The following TRPM3 variants were observed in gnomAD, a reference collection of about 807,000 sequenced individuals.
The protein encoded by TRPM3 is transient receptor potential cation channel subfamily M member 3, also known as long transient receptor potential channel 3.
Under a neutral mutation model 181.2 loss-of-function variants are expected in TRPM3, and 77 were observed. That is an observed-to-expected ratio of 0.42 (90% CI 0.35 to 0.51). The LOEUF is 0.51. Ranked by LOEUF, TRPM3 falls within the 20% of genes least tolerant of loss-of-function variation. TRPM3 has a pLI of 0.01. For missense variants in TRPM3, 1,759 were observed against 2,196.7 expected, an observed-to-expected ratio of 0.80 and a Z score of 3.98; for synonymous variants, 745 against 796.4, an observed-to-expected ratio of 0.94 and a Z score of 1.09.
chr9:70,787,230 A>T (rs1042449058), intron 6 of TRPM3, among the ~76,000 whole-genome samples: 5 of 151,790 alleles, frequency 3.3e-5, no homozygotes, highest in African/African-American at 1.2e-4. Context: ...AAAATGATGA[A>T]AACAAACGTA....
At chr9:71,024,435 T>A (rs1410081245) in intron 1 of TRPM3, among the ~76,000 whole-genome samples, 1 of 152,202 alleles carries the variant, frequency 6.6e-6, no homozygotes, top group African/African-American at 2.4e-5. Flanking sequence ...AACAAGCTTT[T>A]ACTTAAGCAG....
At chr9:70,660,122 A>G (rs1589919649) in intron 9 of TRPM3, among the ~76,000 whole-genome samples, 2 of 152,216 alleles carry the variant, frequency 1.3e-5, no homozygotes, top group South Asian at 4.1e-4. Flanking sequence ...GAGATCAGAG[A>G]CTCATTTTCT....
intron 1 of TRPM3, among the ~76,000 whole-genome samples, chr9:71,345,978 T>C (rs1036843394): frequency 6.6e-6 from 1 of 152,202 alleles, no homozygotes; most frequent in African/African-American, 2.4e-5. Context: ...GGAAATTGTT[T>C]AGCACATTTT....
chr9:71,145,019 AG>A (rs2075327316), intron 1 of TRPM3, among the ~76,000 whole-genome samples: 1 of 152,178 alleles, frequency 6.6e-6, no homozygotes, highest in African/African-American at 2.4e-5. Flanking sequence ...AGTTATAATG[AG>A]ATAACATTAT....
At chr9:71,138,803 T>C (rs2074927765) in intron 1 of TRPM3, among the ~76,000 whole-genome samples, 1 of 152,180 alleles carries the variant, frequency 6.6e-6, no homozygotes. Context: ...ATCCCCTCGG[T>C]GTACTTACAA....
At chr9:71,036,091 T>C (rs1056646050) in intron 1 of TRPM3, among the ~76,000 whole-genome samples, 16 of 151,794 alleles carry the variant, frequency 1.1e-4, no homozygotes, top group African/African-American at 2.9e-4. Context: ...AGATTACAGA[T>C]TGGAGTTTTA....
At chr9:70,694,940 T>G (rs1472015000) in intron 8 of TRPM3, among the ~76,000 whole-genome samples, 1 of 152,246 alleles carries the variant, frequency 6.6e-6, no homozygotes, top group Non-Finnish European at 1.5e-5. Flanking sequence ...TTCTTATGCC[T>G]ACAAAGTAAG....
At chr9:70,817,291 G>GA (rs2092777668) in intron 6 of TRPM3, among the ~76,000 whole-genome samples, 1 of 152,192 alleles carries the variant, frequency 6.6e-6, no homozygotes. Context: ...GAAGGGCAGG[G>GA]CCTCCCCTTG....
chr9:70,982,507 G>A (rs576776712), intron 1 of TRPM3, among the ~76,000 whole-genome samples: 89 of 152,262 alleles, frequency 5.8e-4, no homozygotes, highest in Non-Finnish European at 9.3e-4. Flanking sequence ...TCAAGAACCT[G>A]AGGTAGGTTA....
rs1565186710 is a variant in TRPM3 at position 71,096,594 on chromosome 9, TC to T, written c.177+24583del. On this transcript the variant is annotated intron_variant, in intron 1 of 25. Transcript: ENST00000677713. ...CACACACACACACACACACACACTC[TC>T]TCTCTCTCTCTCTCTCTCTCTCTCT... Among the ~76,000 whole-genome samples the T allele has an allele frequency of 3.4e-4, 21 of 61,842 alleles. No homozygotes were observed. In the East Asian group the frequency reaches 6.3e-3, roughly 19 times the overall value. 40.6% of individuals were successfully genotyped at this position (61,842 alleles called of 152,430 possible).
intron 1 of TRPM3, among the ~76,000 whole-genome samples, chr9:71,194,867 C>T (rs2078249537): frequency 6.6e-6 from 1 of 151,500 alleles, no homozygotes; most frequent in African/African-American, 2.4e-5. Context: ...CTCAAAAAAG[C>T]AATCATATGT....
At chr9:70,967,963 G>A (rs1267556199) in intron 1 of TRPM3, among the ~76,000 whole-genome samples, 3 of 152,034 alleles carry the variant, frequency 2.0e-5, no homozygotes, top group African/African-American at 7.2e-5. Context: ...AGACTGATAT[G>A]TCCTTTAGGG....
chr9:71,054,013 A>T (rs569960296), intron 1 of TRPM3, among the ~76,000 whole-genome samples: 12 of 152,244 alleles, frequency 7.9e-5, no homozygotes, highest in Non-Finnish European at 1.3e-4. Context: ...TAAATTCAGC[A>T]CGACTTTGCA....
At chr9:70,626,095 C>T (rs537776366) in intron 12 of TRPM3, among the ~76,000 whole-genome samples, 17 of 152,034 alleles carry the variant, frequency 1.1e-4, no homozygotes, top group Non-Finnish European at 1.9e-4. Context: ...TCTTAAAGAT[C>T]TAGAGTTATG....
chr9:70,847,503 C>A (rs1420217878), intron 3 of TRPM3, among the ~76,000 whole-genome samples: 1 of 136,838 alleles, frequency 7.3e-6, no homozygotes. Context: ...AGGATTTGAC[C>A]CTGAGTGTCT....
chr9:70,819,873 G>C (rs1459765231), intron 6 of TRPM3, among the ~76,000 whole-genome samples: 1 of 152,092 alleles, frequency 6.6e-6, no homozygotes, highest in Non-Finnish European at 1.5e-5. Context: ...ATAATTCAAA[G>C]ACAAAGGAAT....
chr9:71,388,369 T>G (rs2092977901), intron 1 of TRPM3, among the ~76,000 whole-genome samples: 1 of 152,076 alleles, frequency 6.6e-6, no homozygotes, highest in African/African-American at 2.4e-5. Flanking sequence ...ATGAGAAAGA[T>G]TTAAAATAAA....
At chr9:70,971,048 A>G (rs529776401) in intron 1 of TRPM3, among the ~76,000 whole-genome samples, 1 of 152,266 alleles carries the variant, frequency 6.6e-6, no homozygotes, top group Admixed American at 6.5e-5. Flanking sequence ...TACACAATTA[A>G]TGCTGTGTAT....
intron 1 of TRPM3, among the ~76,000 whole-genome samples, chr9:70,895,102 A>G (rs1589604195): frequency 1.3e-5 from 2 of 152,202 alleles, no homozygotes; most frequent in South Asian, 2.1e-4. Flanking sequence ...TGCAAAATGC[A>G]AAGTGCTACA....
Sources: allele counts gnomAD v4.1 joint callset (sites outside exome capture counted in the v4.1 genomes callset), GRCh38; gene constraint gnomAD v4.1.1; transcripts MANE v1.5; gene names NCBI Gene and HGNC (gene_info 2026-07-23, HGNC 2026-07-21).